Variants in ZMYND11 observed in about 807,000 individuals in gnomAD.
ZMYND11 encodes the protein zinc finger MYND domain-containing protein 11.
Under a neutral mutation model 84.9 loss-of-function variants are expected in ZMYND11, and 9 were observed. The observed-to-expected ratio is 0.11, with a 90% CI of 0.06 to 0.18. The LOEUF is 0.18. ZMYND11 is among the 10% of genes least tolerant of loss of function. The probability of loss-of-function intolerance (pLI) is 1.00; values close to 1 mark genes in which losing one functional copy is unlikely to be tolerated. For missense variants in ZMYND11, 409 were observed against 761.0 expected, an observed-to-expected ratio of 0.54 and a Z score of 5.44; for synonymous variants, 250 against 244.1, an observed-to-expected ratio of 1.02 and a Z score of -0.23.
rs1435733015 is a variant in ZMYND11 at position 252,590 on chromosome 10, T to C, written c.*120T>C. 4 of 1,397,252 alleles carry C rather than the reference T, an allele frequency of 2.9e-6. No individual in the cohort carries two copies. The highest frequency in any genetic ancestry group is 3.8e-6 in the Non-Finnish European group (4 of 1,064,068). The allele number at this position is 1,397,252 out of a possible 1,614,324, so 86.6% of individuals were successfully genotyped here. A position where few individuals can be genotyped will look rare whatever the true frequency, so the allele number is the denominator to read the frequency against. ...CATTTTGCACCAGCCTTTAAACACT[T>C]TTCGTGAAGAAATTTTGCACAGTAG... On this transcript the variant is annotated 3_prime_UTR_variant, in exon 15 of 15. Coordinates refer to ENST00000381604, the MANE Select transcript of ZMYND11 (RefSeq NM_001370100.5). This position sits in a 1 kb window ranked among gnomAD's most constrained non-coding sequence, Gnocchi z 4.6.
chr10:231,258 AAAGAATATACT>A (rs1948976902), intron 4 of ZMYND11, among the ~76,000 whole-genome samples: 1 of 152,202 alleles, frequency 6.6e-6, no homozygotes, highest in Non-Finnish European at 1.5e-5. Flanking sequence ...TTTGTTGTGT[AAAGAATATACT>A]GAGTATTGGG....
chr10:172,545 A>G lies in ZMYND11; in HGVS notation c.-19-7449A>G, dbSNP rs372989198. Among the ~76,000 whole-genome samples the G allele has an allele frequency of 8.5e-5, 13 of 152,298 alleles. No individual in the cohort carries two copies. The East Asian group carries it at 1.7e-3, about 20-fold the overall frequency. Reference sequence around the variant, plus strand: ...AAATGCTTAGGTAGAAATCTAATAAATTGTGGACAAGATGTATATCAGGAA... The same window carrying G: ...AAATGCTTAGGTAGAAATCTAATAAGTTGTGGACAAGATGTATATCAGGAA... On this transcript the variant is annotated intron_variant, in intron 1 of 14. Transcript: ENST00000381604.
intron 4 of ZMYND11, among the ~76,000 whole-genome samples, chr10:232,970 T>G (rs756803291): frequency 1.3e-5 from 2 of 152,210 alleles, no homozygotes; most frequent in Non-Finnish European, 2.9e-5. Flanking sequence ...AAAGAGCATT[T>G]GAAGATACAC....
chr10:231,827 C>T (rs1010027783), intron 4 of ZMYND11, among the ~76,000 whole-genome samples: 6 of 152,326 alleles, frequency 3.9e-5, no homozygotes, highest in East Asian at 1.9e-4. Flanking sequence ...CTTACGCAAA[C>T]GTCTACAACC....
In ZMYND11 at chr10:182,777, T is replaced by A. The variant is rs1198513544; in HGVS notation, c.116+2649T>A. Among the ~76,000 whole-genome samples the A allele has an allele frequency of 1.3e-5, 2 of 152,194 alleles. 1 individual carries two copies. Among genetic ancestry groups the A allele is most frequent in the Non-Finnish European group, 2.9e-5 (2 of 68,026 alleles). On this transcript the variant is annotated intron_variant, in intron 2 of 14. Coordinates refer to ENST00000381604, the MANE Select transcript of ZMYND11 (RefSeq NM_001370100.5). ...AATTTCCTTGTTTATTAAACTTGCC[T>A]AAGGTAAGTTAGGAAGTAGCATTGC...
At chr10:237,152 A>G (rs1950127853) in intron 5 of ZMYND11, among the ~76,000 whole-genome samples, 1 of 152,250 alleles carries the variant, frequency 6.6e-6, no homozygotes, top group East Asian at 1.9e-4. Flanking sequence ...ACATGAGATT[A>G]GAAACATTTA....
At chr10:171,414 C>T (rs531123453) in intron 1 of ZMYND11, among the ~76,000 whole-genome samples, 12 of 152,164 alleles carry the variant, frequency 7.9e-5, no homozygotes, top group South Asian at 4.2e-4. Context: ...AGACCACATT[C>T]GATGCCATAA....
chr10:193,079 C>G (rs2130940697), intron 2 of ZMYND11, among the ~76,000 whole-genome samples: 1 of 152,170 alleles, frequency 6.6e-6, no homozygotes, highest in African/African-American at 2.4e-5. Context: ...ATGTCTTATG[C>G]TTTTGAAATT....
At chr10:226,833 T>C (rs1948224674) in intron 4 of ZMYND11, among the ~76,000 whole-genome samples, 2 of 152,208 alleles carry the variant, frequency 1.3e-5, no homozygotes, top group Non-Finnish European at 1.5e-5. Flanking sequence ...TAACAAACTT[T>C]GGTGTACATC....
chr10:227,416 A>G (rs563688069), intron 4 of ZMYND11, among the ~76,000 whole-genome samples: 57 of 152,348 alleles, frequency 3.7e-4, no homozygotes, highest in African/African-American at 1.3e-3. Context: ...GTACTTTTTA[A>G]AAACTCACCA....
chr10:215,764 C>G (rs1204081049), intron 3 of ZMYND11, among the ~76,000 whole-genome samples: 1 of 151,848 alleles, frequency 6.6e-6, no homozygotes, highest in Non-Finnish European at 1.5e-5. Flanking sequence ...TGCTATGTTG[C>G]CTAGGATGGT....
At chr10:144,238 C>T (rs576256825) in intron 1 of ZMYND11, among the ~76,000 whole-genome samples, 15 of 152,046 alleles carry the variant, frequency 9.9e-5, no homozygotes, top group East Asian at 7.7e-4. Flanking sequence ...TTGTTTTTTA[C>T]GACAGAATCT....
At chr10:221,065 T>C in intron 3 of ZMYND11, 130 bp from the exon 4 acceptor site, 2 of 820,362 alleles carry the variant, frequency 2.4e-6, no homozygotes, top group Non-Finnish European at 1.9e-6. Flanking sequence ...TCCCTCTTGT[T>C]TTAACACAGT....
chr10:161,943 T>C (rs1379920568), intron 1 of ZMYND11, among the ~76,000 whole-genome samples: 1 of 152,256 alleles, frequency 6.6e-6, no homozygotes, highest in Non-Finnish European at 1.5e-5. Flanking sequence ...ACTTTACCTT[T>C]ACATTCGCAG....
At chr10:208,600 A>ATAG (rs1944612021) in intron 2 of ZMYND11, among the ~76,000 whole-genome samples, 1 of 152,224 alleles carries the variant, frequency 6.6e-6, no homozygotes, top group Non-Finnish European at 1.5e-5. Context: ...AGTCCCTGAG[A>ATAG]TAGTTGTTCA....
chr10:218,180 A>AT (rs1289685665), intron 3 of ZMYND11, among the ~76,000 whole-genome samples: 1 of 151,848 alleles, frequency 6.6e-6, no homozygotes, highest in Non-Finnish European at 1.5e-5. Context: ...TTGGCGGGAG[A>AT]TTTTCTCTAT....
intron 9 of ZMYND11, among the ~76,000 whole-genome samples, chr10:241,415 C>T (rs1451374206): frequency 6.6e-6 from 1 of 152,128 alleles, no homozygotes; most frequent in Non-Finnish European, 1.5e-5. Flanking sequence ...TGAGTTCAAG[C>T]AGTCCTCCCG....
At chr10:147,563 T>C (rs1187828944) in intron 1 of ZMYND11, among the ~76,000 whole-genome samples, 1 of 151,352 alleles carries the variant, frequency 6.6e-6, no homozygotes, top group Non-Finnish European at 1.5e-5. Context: ...TGTCATACCC[T>C]AGGATTTTTA....
intron 9 of ZMYND11, 40 bp downstream of exon 9, chr10:241,010 C>G (rs770331739): frequency 2.7e-6 from 4 of 1,466,356 alleles, no homozygotes; most frequent in Non-Finnish European, 3.8e-6. Flanking sequence ...ACATACAGCT[C>G]TAAGGAAGTT....
Sources: allele counts gnomAD v4.1 joint callset (sites outside exome capture counted in the v4.1 genomes callset), GRCh38; gene constraint gnomAD v4.1.1; non-coding constraint Gnocchi (gnomAD v3.1); transcripts MANE v1.5; gene names NCBI Gene and HGNC (gene_info 2026-07-23, HGNC 2026-07-21).